The following PRORP variants were observed in gnomAD, a reference collection of about 807,000 sequenced individuals.
PRORP encodes the protein mitochondrial ribonuclease P catalytic subunit.
PRORP carries 51 observed loss-of-function variants against 59.4 expected under a neutral mutation model. The observed-to-expected ratio is 0.86, with a 90% CI of 0.69 to 1.08. The LOEUF (loss-of-function observed/expected upper bound fraction) is 1.08, where lower values mean the gene tolerates loss of function less well. Ranked by LOEUF, PRORP falls within the 50% of genes least tolerant of loss-of-function variation. The probability of loss-of-function intolerance (pLI) is 0.00; values close to 1 mark genes in which losing one functional copy is unlikely to be tolerated. For missense variants in PRORP, 646 were observed against 690.3 expected (o/e 0.94, Z 0.72); for synonymous variants, 231 against 245.6 (o/e 0.94, Z 0.55).
intron 5 of PRORP, among the ~76,000 whole-genome samples, chr14:35,211,194 C>T (rs1040974126): frequency 7.9e-5 from 12 of 151,842 alleles, no homozygotes; most frequent in African/African-American, 2.2e-4. Context: ...AACTGGTGAA[C>T]GTTTTTTAGT....
At chr14:35,217,817 C>G (rs980511107) in intron 5 of PRORP, among the ~76,000 whole-genome samples, 1 of 152,036 alleles carries the variant, frequency 6.6e-6, no homozygotes, top group African/African-American at 2.4e-5. Flanking sequence ...TGTCTTTATG[C>G]CAGTACCACA....
At chr14:35,186,301 A>G (rs1332068692) in intron 5 of PRORP, among the ~76,000 whole-genome samples, 2 of 151,906 alleles carry the variant, frequency 1.3e-5, no homozygotes, top group Admixed American at 1.3e-4. Context: ...TTTTGGCACA[A>G]TTGGAGACTT....
At chr14:35,250,925 G>A (rs143334911) in intron 5 of PRORP, among the ~76,000 whole-genome samples, 1 of 151,814 alleles carries the variant, frequency 6.6e-6, no homozygotes, top group Non-Finnish European at 1.5e-5. Context: ...TTTGGTTCAT[G>A]ATTGAGTTCT....
chr14:35,130,852 C>T (rs1284558339), intron 4 of PRORP, among the ~76,000 whole-genome samples: 1 of 151,952 alleles, frequency 6.6e-6, no homozygotes. Flanking sequence ...GCTGCCCAGG[C>T]TGGTCTCAAA....
At chr14:35,258,708 A>T (rs141503249) in intron 5 of PRORP, among the ~76,000 whole-genome samples, 9 of 152,194 alleles carry the variant, frequency 5.9e-5, no homozygotes, top group Middle Eastern at 3.4e-3. Context: ...GGTATTGGGT[A>T]CTCAGGAGGT....
In PRORP at chr14:35,273,489, C is replaced by T; in HGVS notation, c.1675C>T (p.Pro559Ser). 1.2e-6 allele frequency: 2 copies of T among 1,613,562 alleles called. No individual in the cohort carries two copies. The highest frequency in any genetic ancestry group is 1.7e-6 in the Non-Finnish European group (2 of 1,179,734). The change falls in exon 8 of 8, where the codon CCA becomes TCA. Residue 559 changes from proline to serine, a missense_variant. Pro to Ser is a moderately conservative substitution (Grantham distance 74). Transcript: ENST00000534898. ...VQTTGDSWHI[P>S]YDEDLVERCS... ...AACAACTGGAGACTCGTGGCACATA[C>T]CATATGATGAAGACTTGGTAGAAAG...
At chr14:35,253,556 A>T (rs1052036020) in intron 5 of PRORP, among the ~76,000 whole-genome samples, 8 of 152,294 alleles carry the variant, frequency 5.3e-5, no homozygotes, top group African/African-American at 1.9e-4. Context: ...CAGACAAAAT[A>T]GAGCTATACT....
At chr14:35,265,751 C>A (rs2051020425) in intron 5 of PRORP, among the ~76,000 whole-genome samples, 1 of 151,922 alleles carries the variant, frequency 6.6e-6, no homozygotes. Context: ...TGTAGAATAC[C>A]AATATGATAA....
intron 4 of PRORP, among the ~76,000 whole-genome samples, chr14:35,174,750 CTTT>C (rs113505782): frequency 0.43 from 56,209 of 132,056 alleles, 11,122 homozygotes; most frequent in East Asian, 0.68. Context: ...TTTTTTTTTT[CTTT>C]TTTTTTTTTT....
intron 5 of PRORP, among the ~76,000 whole-genome samples, chr14:35,214,746 A>C (rs1367720983): frequency 6.6e-6 from 1 of 152,132 alleles, no homozygotes; most frequent in Admixed American, 6.5e-5. Flanking sequence ...ATCTCTACTA[A>C]AAATACAAAA....
chr14:35,196,194 G>A (rs2049003366), intron 5 of PRORP, among the ~76,000 whole-genome samples: 1 of 152,208 alleles, frequency 6.6e-6, no homozygotes, highest in Admixed American at 6.5e-5. Context: ...GCTATTTCAG[G>A]CCAGGCATGG....
chr14:35,208,971 C>T (rs2049365515), intron 5 of PRORP, among the ~76,000 whole-genome samples: 1 of 152,054 alleles, frequency 6.6e-6, no homozygotes, highest in Non-Finnish European at 1.5e-5. Flanking sequence ...GCAGAGGTTG[C>T]AGTGAGCCGA....
Position 35,273,491 on chromosome 14 carries a change from A to G in PRORP, c.1677A>G (p.Pro559=), listed in dbSNP as rs1274454995. 8 of 1,613,620 alleles carry G rather than the reference A, an allele frequency of 5.0e-6. No homozygotes were observed. The highest frequency in any genetic ancestry group is 1.3e-5 in the African/African-American group (1 of 74,900). Residue 559 remains proline (P), a synonymous_variant, in exon 8 of 8, where the codon CCA becomes CCG. Transcript: ENST00000534898. ...CAACTGGAGACTCGTGGCACATACC[A>G]TATGATGAAGACTTGGTAGAAAGAT... The part of the protein sequence containing the change: ...VQTTGDSWHI[P]YDEDLVERCS...
chr14:35,150,008 C>T (rs2047705120), intron 4 of PRORP, among the ~76,000 whole-genome samples: 1 of 152,158 alleles, frequency 6.6e-6, no homozygotes, highest in Non-Finnish European at 1.5e-5. Flanking sequence ...GCATGTGTCA[C>T]CACACCGGCT....
intron 5 of PRORP, among the ~76,000 whole-genome samples, chr14:35,221,944 A>T (rs955934744): frequency 6.6e-6 from 1 of 152,194 alleles, no homozygotes; most frequent in African/African-American, 2.4e-5. Flanking sequence ...AAATGAATTC[A>T]TCGGAAGTAA....
rs528870370 is a variant in PRORP at position 35,273,570 on chromosome 14, T to C, written c.*4T>C. 1 of 1,611,422 alleles carries C rather than the reference T, an allele frequency of 6.2e-7. No individual in the cohort carries two copies. The highest frequency in any genetic ancestry group is 1.1e-5 in the South Asian group (1 of 90,464). On this transcript the variant is annotated 3_prime_UTR_variant, in exon 8 of 8. Coordinates refer to ENST00000534898, the MANE Select transcript of PRORP (RefSeq NM_014672.4). ...TTGCCTCCACCAAAAGACATAGAGA[T>C]TCTTACCTCTATGCTAAGTTTGTGT...
chr14:35,184,400 T>C (rs753906173), intron 5 of PRORP, among the ~76,000 whole-genome samples: 4 of 152,210 alleles, frequency 2.6e-5, no homozygotes, highest in African/African-American at 7.2e-5. Flanking sequence ...TAGAGATTTA[T>C]TGGTGACTGT....
intron 6 of PRORP, among the ~76,000 whole-genome samples, chr14:35,269,204 T>G (rs572850604): frequency 1.3e-5 from 2 of 152,224 alleles, no homozygotes; most frequent in Non-Finnish European, 2.9e-5. Context: ...TTAAATAAGA[T>G]AATATGTGTA....
At chr14:35,176,820 G>T (rs7144845) in intron 4 of PRORP, among the ~76,000 whole-genome samples, 28,038 of 152,000 alleles carry the variant, frequency 0.18, 2,845 homozygotes, top group Admixed American at 0.27. Flanking sequence ...GTCTTGTGCC[G>T]GTTTTCAAAG....
Sources: gnomAD v4.1 joint callset for allele counts (sites outside exome capture counted in the v4.1 genomes callset) on GRCh38, gnomAD v4.1.1 for gene constraint, MANE v1.5 for transcripts, NCBI Gene and HGNC (gene_info 2026-07-23, HGNC 2026-07-21) for gene names.